Variants in SLK observed in about 807,000 individuals in gnomAD.
The protein encoded by SLK is STE20 like kinase.
SLK carries 67 observed loss-of-function variants against 147.7 expected under a neutral mutation model. The ratio of observed to expected loss-of-function variants is 0.45; its 90% CI spans 0.37 to 0.56. The LOEUF is 0.56. SLK is among the 20% of genes least tolerant of loss of function. SLK has a pLI of 0.00. For missense variants in SLK, 1,136 were observed against 1,438.8 expected, an observed-to-expected ratio of 0.79 and a Z score of 3.41; for synonymous variants, 441 against 475.0, an observed-to-expected ratio of 0.93 and a Z score of 0.93.
chr10:104,003,597 G>C (rs975104054), intron 9 of SLK, 70 bp downstream of exon 9: 40 of 1,282,908 alleles, frequency 3.1e-5, no homozygotes, highest in Non-Finnish European at 4.1e-5. Flanking sequence ...ATGTGAAATT[G>C]ATGTCTTGAA....
rs1485178791 is a variant in SLK, at chr10:104,004,817, C to G, written c.2350-744C>G. On this transcript the variant is annotated intron_variant, in intron 9 of 18. Transcript: ENST00000369755. The stretch of plus-strand genomic sequence containing the variant: ...TAGGAGTCTTATATGTCTGTTATTT[C>G]TGTTTGCATTTAAATGTTTTTGGAT... Among the ~76,000 whole-genome samples, 10 of 152,176 alleles carry G rather than the reference C, an allele frequency of 6.6e-5. No homozygotes were observed. The East Asian group carries it at 1.9e-3, about 29-fold the overall frequency.
At chr10:103,972,499 C>T (rs1411681835) in intron 1 of SLK, among the ~76,000 whole-genome samples, 3 of 152,026 alleles carry the variant, frequency 2.0e-5, no homozygotes, top group African/African-American at 4.8e-5. Context: ...GGTGAAACCC[C>T]GTCTCTACTA....
intron 18 of SLK, among the ~76,000 whole-genome samples, chr10:104,022,643 T>C (rs1225034416): frequency 5.9e-5 from 9 of 152,190 alleles, no homozygotes; most frequent in Admixed American, 1.3e-4. Flanking sequence ...AGTCTCACTC[T>C]GTCGCCCAGG....
Position 104,027,937 on chromosome 10 carries a change from A to T in SLK, c.*2217A>T, listed in dbSNP as rs1025913715. The T allele has an allele frequency of 2.6e-5, 4 of 152,136 alleles. No individual in the cohort carries two copies. Among genetic ancestry groups the T allele is most frequent in the Non-Finnish European group, 5.9e-5 (4 of 68,042 alleles). The allele number at this position is 152,136 out of a possible 1,614,324, so 9.4% of individuals were successfully genotyped here. ...GTGCTTGAGTTCGCTTTCAAATATG[A>T]CCATAATCGTGTGGGTGCAAGACTG... On this transcript the variant is annotated 3_prime_UTR_variant, in exon 19 of 19. Coordinates refer to ENST00000369755, the MANE Select transcript of SLK (RefSeq NM_014720.4).
chr10:104,022,475 T>G (rs1321663780), intron 18 of SLK, among the ~76,000 whole-genome samples: 1 of 152,168 alleles, frequency 6.6e-6, no homozygotes, highest in Non-Finnish European at 1.5e-5. Context: ...ACTTAAACCT[T>G]TGTTTTGGGG....
At chr10:103,997,522 A>G (rs1844190682) in intron 4 of SLK, among the ~76,000 whole-genome samples, 1 of 151,934 alleles carries the variant, frequency 6.6e-6, no homozygotes, top group Non-Finnish European at 1.5e-5. Flanking sequence ...TAGCAACTGC[A>G]CCATTTTACA....
chr10:104,020,636 C>T, intron 17 of SLK, 23 bp downstream of exon 17: 18 of 1,604,552 alleles, frequency 1.1e-5, no homozygotes, highest in Non-Finnish European at 1.5e-5. Context: ...AGCCTGACAG[C>T]AAAGCCCATA....
At position 104,002,661 on chromosome 10, in the gene SLK, A is replaced by C. The variant is rs1254654426; in HGVS notation, c.1483A>C (p.Ile495Leu). The C allele has an allele frequency of 3.1e-6, 5 of 1,609,846 alleles. No individual in the cohort carries two copies. In the African/African-American group the frequency reaches 6.7e-5, roughly 22 times the overall value. ...AAAATCTGAAGAAATTAAAGATACT[A>C]TTTTGCAAACAGTAGATTTAGTTTC... ...LIKSEEIKDTILQTVDLVSQE... is the reference protein window; with the variant it reads ...LIKSEEIKDTLLQTVDLVSQE... Residue 495 changes from isoleucine to leucine, a missense_variant, in exon 9 of 19, where the codon ATT becomes CTT. Transcript: ENST00000369755.
Position 103,971,877 on chromosome 10 carries a change from C to T in SLK, c.150+3982C>T, listed in dbSNP as rs556784082. Among the ~76,000 whole-genome samples, 4 of 152,282 alleles carry T rather than the reference C, an allele frequency of 2.6e-5. No individual in the cohort carries two copies. The East Asian group carries it at 5.8e-4, about 22-fold the overall frequency. ...GCTAACATCCGAGAATCCCTCTTGC[C>T]TCCTTTCTGTATCTAATATCTTCTC... On this transcript the variant is annotated intron_variant, in intron 1 of 18. Transcript: ENST00000369755.
At position 104,005,972 on chromosome 10, in the gene SLK, G is replaced by C. The variant is rs760974400; in HGVS notation, c.2541G>C (p.Gln847His). The C allele has an allele frequency of 1.9e-6, 3 of 1,612,726 alleles. 1 individual carries two copies. The South Asian group carries it at 3.3e-5, about 18-fold the overall frequency. The change falls in exon 11 of 19, where the codon CAG (glutamine) becomes CAC (histidine). Residue 847 changes from glutamine (Q) to histidine (H), a missense_variant. Physicochemically the swap from Gln to His is conservative, Grantham distance 24 (BLOSUM62 0). Transcript: ENST00000369755. Reference sequence around the variant, plus strand: ...AAGAAGAGCAAAGAGCCCAACAACAGCTCAATAGCAAACTACAGCAACAAC... The same window carrying C: ...AAGAAGAGCAAAGAGCCCAACAACACCTCAATAGCAAACTACAGCAACAAC... ...LQKEEQRAQQ[Q>H]LNSKLQQQRE...
chr10:104,002,784 A>G lies in SLK; in HGVS notation c.1606A>G (p.Lys536Glu), dbSNP rs765791580. 1.9e-5 allele frequency: 31 copies of G among 1,614,040 alleles called. No individual in the cohort carries two copies. Among genetic ancestry groups the G allele is most frequent in the Non-Finnish European group, 2.6e-5 (31 of 1,180,034 alleles). The change falls in exon 9 of 19, where the codon AAA (lysine) becomes GAA (glutamate). Residue 536 changes from lysine to glutamate, a missense_variant. Physicochemically the swap from Lys to Glu is moderately conservative, Grantham distance 56. Around this residue, in one of 6 missense-constraint regions of SLK, gnomAD observed 516 missense variants for 531.3 expected, o/e 0.97. Transcript: ENST00000369755. ...DTQEKLGEDD[K>E]TQKDVISNTS... ...CCAAGAGAAATTGGGGGAAGACGACAAAACTCAAAAAGATGTGATCAGCAA... is the reference window on the plus strand; with the variant it reads ...CCAAGAGAAATTGGGGGAAGACGACGAAACTCAAAAAGATGTGATCAGCAA...
rs375385307 is a variant in SLK, at chr10:104,016,047, G to A, written c.2878-2113G>A. On this transcript the variant is annotated intron_variant, in intron 13 of 18. Transcript: ENST00000369755. ...AAATTTTACAGTTGAGGCTGGGCGCGTTGGCTCACGCTTGTAATCCCAGCA... is the reference window on the plus strand; with the variant it reads ...AAATTTTACAGTTGAGGCTGGGCGCATTGGCTCACGCTTGTAATCCCAGCA... Among the ~76,000 whole-genome samples the A allele has an allele frequency of 7.8e-3, 1,194 of 152,182 alleles. 14 individuals carry two copies. Among genetic ancestry groups the A allele is most frequent in the African/African-American group, 0.026 (1,096 of 41,536 alleles).
At chr10:104,013,691 C>A (rs1483705983) in intron 13 of SLK, among the ~76,000 whole-genome samples, 1 of 152,158 alleles carries the variant, frequency 6.6e-6, no homozygotes, top group South Asian at 2.1e-4. Flanking sequence ...TCTTCAACGC[C>A]CAAATGCAGG....
chr10:103,985,081 T>C (rs1450903118), intron 1 of SLK, among the ~76,000 whole-genome samples: 1 of 152,260 alleles, frequency 6.6e-6, no homozygotes, highest in Non-Finnish European at 1.5e-5. Context: ...ATCATTCACA[T>C]AATTTTTATG....
chr10:104,010,653 C>T (rs928702839), intron 12 of SLK, among the ~76,000 whole-genome samples, 163 bp from the exon 13 acceptor site: 6 of 152,274 alleles, frequency 3.9e-5, no homozygotes, highest in Admixed American at 2.0e-4. Context: ...TATGCATGTT[C>T]TCTTCTTTCA....
chr10:104,028,547 A>G lies in SLK; in HGVS notation c.*2827A>G, dbSNP rs767424351. The G allele has an allele frequency of 2.0e-5, 3 of 152,220 alleles. No homozygotes were observed. Among genetic ancestry groups the G allele is most frequent in the African/African-American group, 7.2e-5 (3 of 41,454 alleles). 9.4% of individuals were successfully genotyped at this position (152,220 alleles called of 1,614,324 possible). A position where few individuals can be genotyped will look rare whatever the true frequency, so the allele number is the denominator to read the frequency against. On this transcript the variant is annotated 3_prime_UTR_variant, in exon 19 of 19. Transcript: ENST00000369755. ...AATATTAGAACTCTCTTGTGACAGG[A>G]TACAGCAAATTATAATTAAATATAA...
chr10:104,022,708 A>G (rs1589548895), intron 18 of SLK, among the ~76,000 whole-genome samples: 1 of 152,164 alleles, frequency 6.6e-6, no homozygotes, highest in Admixed American at 6.5e-5. Flanking sequence ...CCTGGGTTCA[A>G]GCAATTCCTC....
intron 2 of SLK, among the ~76,000 whole-genome samples, chr10:103,991,072 A>G (rs978463687): frequency 3.3e-5 from 5 of 152,264 alleles, no homozygotes; most frequent in Non-Finnish European, 5.9e-5. Context: ...ATTGTTTGAC[A>G]TTGGATCCAG....
chr10:104,000,067 G>A (rs759107279), intron 7 of SLK, 119 bp downstream of exon 7: 11 of 472,416 alleles, frequency 2.3e-5, no homozygotes, highest in African/African-American at 8.0e-5. Context: ...AATGGCAGTA[G>A]TTAACATTTG....
Sources: gnomAD v4.1 joint callset for allele counts (sites outside exome capture counted in the v4.1 genomes callset) on GRCh38, gnomAD v4.1.1 for gene constraint, gnomAD v4.1.1 regional missense constraint, MANE v1.5 for transcripts, NCBI Gene and HGNC (gene_info 2026-07-23, HGNC 2026-07-21) for gene names.